The following RAPGEF4 variants were observed in gnomAD, a reference collection of about 807,000 sequenced individuals.
The protein encoded by RAPGEF4 is RAP guanine-nucleotide-exchange factor (GEF) 4.
A neutral mutation model predicts 147.9 loss-of-function variants in RAPGEF4; 66 were observed. The observed-to-expected ratio is 0.45, with a 90% CI of 0.37 to 0.55. RAPGEF4 has a LOEUF of 0.55. RAPGEF4 is among the 20% of genes least tolerant of loss of function. The pLI, the probability that RAPGEF4 is intolerant of heterozygous loss-of-function variation, is 0.00. For synonymous variants in RAPGEF4, 419 were observed against 442.7 expected (o/e 0.95, Z 0.67); for missense variants, 1,071 against 1,257.3 (o/e 0.85, Z 2.24).
intron 10 of RAPGEF4, 64 bp from the exon 11 acceptor site, chr2:172,983,432 T>G: frequency 6.4e-7 from 1 of 1,558,858 alleles, no homozygotes; most frequent in East Asian, 2.2e-5. Context: ...TGGATCCGTT[T>G]CCATGTTTGA....
At chr2:172,899,015 A>G (rs953180753) in intron 4 of RAPGEF4, among the ~76,000 whole-genome samples, 3 of 152,214 alleles carry the variant, frequency 2.0e-5, no homozygotes, top group East Asian at 1.9e-4. Flanking sequence ...AGCTATGTAT[A>G]TATTGATGTG....
Position 172,811,155 on chromosome 2 carries a change from T to G in RAPGEF4, c.298-3124T>G, listed in dbSNP as rs145147412. ...CACTGTCATGGCAATGGTTGCCCCTTTAAGGCATTAACTGCCTAGCACTCT... is the reference window on the plus strand; with the variant it reads ...CACTGTCATGGCAATGGTTGCCCCTGTAAGGCATTAACTGCCTAGCACTCT... On this transcript the variant is annotated intron_variant, in intron 3 of 30. Transcript: ENST00000397081. Among the ~76,000 whole-genome samples the G allele has an allele frequency of 1.8e-3, 274 of 152,280 alleles. 1 individual carries two copies. The highest frequency in any genetic ancestry group is 6.3e-3 in the African/African-American group (260 of 41,564).
intron 4 of RAPGEF4, among the ~76,000 whole-genome samples, chr2:172,878,667 T>C (rs930116992): frequency 7.9e-5 from 12 of 152,198 alleles, no homozygotes; most frequent in African/African-American, 2.2e-4. Context: ...AGAAGTCTTA[T>C]ATATTACATT....
At chr2:172,959,071 A>G (rs990204171) in intron 6 of RAPGEF4, among the ~76,000 whole-genome samples, 6 of 152,214 alleles carry the variant, frequency 3.9e-5, no homozygotes, top group African/African-American at 1.4e-4. Flanking sequence ...GGTTTTTAGT[A>G]CAAAGCGTAA....
At chr2:172,776,601 T>C (rs534175330) in intron 1 of RAPGEF4, among the ~76,000 whole-genome samples, 7 of 152,314 alleles carry the variant, frequency 4.6e-5, no homozygotes, top group African/African-American at 1.7e-4. Context: ...CTATTGAGTC[T>C]CTAATTGTTA....
At chr2:172,970,438 C>A (rs1690348286) in intron 10 of RAPGEF4, among the ~76,000 whole-genome samples, 1 of 152,124 alleles carries the variant, frequency 6.6e-6, no homozygotes, top group African/African-American at 2.4e-5. Context: ...CAGGGCAGGA[C>A]CCCCAACTTT....
intron 2 of RAPGEF4, among the ~76,000 whole-genome samples, chr2:172,796,712 C>G (rs939139644): frequency 6.6e-6 from 1 of 152,144 alleles, no homozygotes; most frequent in Non-Finnish European, 1.5e-5. Flanking sequence ...GAAGCTTGCT[C>G]TTCTCCAATA....
At chr2:172,744,551 T>C (rs1028288962) in intron 1 of RAPGEF4, 8 of 352,014 alleles carry the variant, frequency 2.3e-5, no homozygotes, top group African/African-American at 1.7e-4. Context: ...GGTGTAATTT[T>C]GGGCAAGTTA....
intron 29 of RAPGEF4, among the ~76,000 whole-genome samples, chr2:173,039,628 T>G (rs970492543): frequency 9.9e-5 from 15 of 152,250 alleles, no homozygotes; most frequent in African/African-American, 3.6e-4. Flanking sequence ...GAAGGCATGC[T>G]TCATCCCTTT....
chr2:172,922,400 A>C, intron 6 of RAPGEF4, 100 bp downstream of exon 6: 1 of 1,111,746 alleles, frequency 9.0e-7, no homozygotes. Flanking sequence ...ACCCACATTC[A>C]ACAGAGCAAT....
chr2:172,797,676 T>C (rs1686518453), intron 3 of RAPGEF4, 63 bp downstream of exon 3: 1 of 1,223,654 alleles, frequency 8.2e-7, no homozygotes, highest in Non-Finnish European at 1.2e-6. Flanking sequence ...TATCCCTATG[T>C]CTTTTATGCC....
intron 10 of RAPGEF4, among the ~76,000 whole-genome samples, chr2:172,975,231 C>T (rs1400503190): frequency 6.6e-6 from 1 of 152,158 alleles, no homozygotes; most frequent in East Asian, 1.9e-4. Context: ...ACATAAAAAA[C>T]ACTGAAAACC....
intron 4 of RAPGEF4, among the ~76,000 whole-genome samples, chr2:172,877,543 G>T (rs1342036130): frequency 6.9e-6 from 1 of 144,698 alleles, no homozygotes; most frequent in Non-Finnish European, 1.5e-5. Context: ...AAAAAAAAAA[G>T]AAAAGAAATG....
intron 10 of RAPGEF4, among the ~76,000 whole-genome samples, chr2:172,974,578 G>A (rs1233347375): frequency 2.0e-5 from 3 of 152,190 alleles, no homozygotes; most frequent in African/African-American, 4.8e-5. Context: ...CAGCTATCAG[G>A]AGGCTGAGGT....
intron 1 of RAPGEF4, among the ~76,000 whole-genome samples, chr2:172,775,155 T>C (rs1684040195): frequency 6.6e-6 from 1 of 152,222 alleles, no homozygotes; most frequent in Admixed American, 6.5e-5. Context: ...CAGTATCCTA[T>C]TGCTAAATGG....
intron 4 of RAPGEF4, among the ~76,000 whole-genome samples, chr2:172,842,096 A>G (rs1183843266): frequency 6.6e-6 from 1 of 152,200 alleles, no homozygotes; most frequent in Non-Finnish European, 1.5e-5. Context: ...GTTATGTGTA[A>G]GATATTCTGA....
rs751489435 is a variant in RAPGEF4, at chr2:172,922,281, G to T, written c.518G>T (p.Arg173Met). Reference sequence around the variant, plus strand: ...TCTCTGTCTCTTTTTCCTCCTTTAGGGATTCCTGACAAGGAGAACGTGAGT... The same window carrying T: ...TCTCTGTCTCTTTTTCCTCCTTTAGTGATTCCTGACAAGGAGAACGTGAGT... ...GVMETGSNND[R>M]IPDKENTPLI... Residue 173 changes from arginine (R) to methionine (M), a missense_variant and splice_region_variant, in exon 6 of 31, where the codon AGG (arginine) becomes ATG (methionine). By Grantham distance (91) the Arg-to-Met change is moderately conservative. Transcript: ENST00000397081. The T allele has an allele frequency of 6.8e-6, 11 of 1,606,758 alleles. No homozygotes were observed. The highest frequency in any genetic ancestry group is 9.4e-6 in the Non-Finnish European group (11 of 1,173,768).
chr2:172,914,422 C>T (rs1395910142), intron 4 of RAPGEF4, among the ~76,000 whole-genome samples: 1 of 137,842 alleles, frequency 7.3e-6, no homozygotes. Context: ...GCAACTTCCA[C>T]CTTCTGGTTC....
At chr2:173,017,303 G>C in intron 20 of RAPGEF4, 99 bp downstream of exon 20, 1 of 1,495,596 alleles carries the variant, frequency 6.7e-7, no homozygotes, top group South Asian at 1.1e-5. Flanking sequence ...TTTCTTTTTT[G>C]TAGACGTGAA....
Sources: allele counts gnomAD v4.1 joint callset (sites outside exome capture counted in the v4.1 genomes callset), GRCh38; gene constraint gnomAD v4.1.1; transcripts MANE v1.5; gene names NCBI Gene and HGNC (gene_info 2026-07-23, HGNC 2026-07-21).